NYAP2: variants seen among roughly 807,000 people sequenced by gnomAD.
The protein encoded by NYAP2 is neuronal tyrosine-phosphorylated phosphoinositide-3-kinase adapter 2.
NYAP2 carries 23 observed loss-of-function variants against 50.4 expected under a neutral mutation model. The observed-to-expected ratio is 0.46, with a 90% CI of 0.33 to 0.65. The LOEUF (loss-of-function observed/expected upper bound fraction) is 0.65, where lower values mean the gene tolerates loss of function less well. NYAP2 is among the 30% of genes least tolerant of loss of function. NYAP2 has a pLI of 0.02. For synonymous variants in NYAP2, 394 were observed against 365.2 expected, an observed-to-expected ratio of 1.08 and a Z score of -0.90; for missense variants, 885 against 861.0, an observed-to-expected ratio of 1.03 and a Z score of -0.35.
At chr2:225,471,451 C>T (rs910435755) in intron 3 of NYAP2, among the ~76,000 whole-genome samples, 3 of 152,008 alleles carry the variant, frequency 2.0e-5, no homozygotes, top group African/African-American at 4.8e-5. Flanking sequence ...TTATTCTCTG[C>T]GTGCAAGAAA....
At position 225,597,512 on chromosome 2, in the gene NYAP2, AATAT is replaced by A; in HGVS notation, c.1618+14492_1618+14495del. On this transcript the variant is annotated intron_variant, in intron 5 of 6. Coordinates refer to ENST00000636099, the Ensembl canonical transcript of NYAP2. ...ATGGCTAAATAGTATTCCAAGGAGAAATATATATATATATATATGTATCACAATT... is the reference window on the plus strand; with the variant it reads ...ATGGCTAAATAGTATTCCAAGGAGAAATATATATATATATGTATCACAATT... Among the ~76,000 whole-genome samples the A allele has an allele frequency of 1.1e-3, 49 of 46,248 alleles. 8 individuals are homozygous for A. The highest frequency in any genetic ancestry group is 0.028 in the Middle Eastern group (2 of 72). 30.3% of individuals were successfully genotyped at this position (46,248 alleles called of 152,430 possible).
chr2:225,496,712 G>T (rs1163989825), intron 3 of NYAP2, among the ~76,000 whole-genome samples: 1 of 151,948 alleles, frequency 6.6e-6, no homozygotes, highest in East Asian at 1.9e-4. Flanking sequence ...AATTTCCCTG[G>T]TCACCTTCCA....
intron 3 of NYAP2, among the ~76,000 whole-genome samples, chr2:225,451,841 A>G (rs547278751): frequency 6.6e-6 from 1 of 152,284 alleles, no homozygotes; most frequent in African/African-American, 2.4e-5. Context: ...TTTCTTCTAA[A>G]CCATTCACTC....
At chr2:225,698,488 T>A in the NYAP2 span, 1 of 152,450 alleles carries the variant, frequency 6.6e-6, no homozygotes, top group East Asian at 1.9e-4. Flanking sequence ...TGCCAAGAAG[T>A]ACAGCCCTCC....
chr2:225,688,862 C>A, the NYAP2 span, among the ~76,000 whole-genome samples: 6 of 152,160 alleles, frequency 3.9e-5, no homozygotes, highest in African/African-American at 9.6e-5. Flanking sequence ...CCTGCCTCAG[C>A]CTCCCGAGTA....
chr2:225,519,437 A>G (rs191228702), intron 4 of NYAP2, among the ~76,000 whole-genome samples: 3 of 100,832 alleles, frequency 3.0e-5, no homozygotes, highest in African/African-American at 7.9e-5. Context: ...CCACCCCACA[A>G]CAGTCCCCAG....
intron 4 of NYAP2, among the ~76,000 whole-genome samples, chr2:225,579,089 A>G (rs1692222799): frequency 6.7e-6 from 1 of 149,288 alleles, no homozygotes; most frequent in Admixed American, 6.7e-5. Context: ...CAGAGAGAAG[A>G]GAGGGGAGAG....
intron 4 of NYAP2, among the ~76,000 whole-genome samples, chr2:225,569,243 G>T (rs1482687581): frequency 2.0e-5 from 3 of 152,168 alleles, no homozygotes. Context: ...TATGACAAAA[G>T]TCTGTTCAGG....
chr2:225,674,065 G>A, the NYAP2 span, among the ~76,000 whole-genome samples: 36 of 152,100 alleles, frequency 2.4e-4, no homozygotes, highest in Non-Finnish European at 1.5e-4. Context: ...GTCTGAAATC[G>A]CCTGAGCTGA....
intron 3 of NYAP2, among the ~76,000 whole-genome samples, chr2:225,422,563 A>G (rs1386916750): frequency 6.6e-6 from 1 of 152,198 alleles, no homozygotes; most frequent in East Asian, 1.9e-4. Flanking sequence ...GAGATAAGCA[A>G]TAGGCAAGGA....
At chr2:225,403,049 A>G (rs1694889344) in intron 2 of NYAP2, among the ~76,000 whole-genome samples, 2 of 152,128 alleles carry the variant, frequency 1.3e-5, no homozygotes, top group African/African-American at 4.8e-5. Context: ...GTGTTTTCAA[A>G]TTGGTTTGAG....
rs114738953 is a variant in NYAP2, at chr2:225,478,487, A to C, written c.222-34884A>C. Reference sequence around the variant, plus strand: ...ATAATCAAGAAGTATATGGTCATAAATCTTGTGAGTTTGTGAGGAATCTTC... The same window carrying C: ...ATAATCAAGAAGTATATGGTCATAACTCTTGTGAGTTTGTGAGGAATCTTC... On this transcript the variant is annotated intron_variant, in intron 3 of 6. Transcript: ENST00000636099. Among the ~76,000 whole-genome samples, 716 of 152,322 alleles carry C rather than the reference A, an allele frequency of 4.7e-3. 2 individuals carry two copies. The highest frequency in any genetic ancestry group is 7.3e-3 in the Non-Finnish European group (499 of 68,036).
At chr2:225,460,918 G>A (rs1253893743) in intron 3 of NYAP2, among the ~76,000 whole-genome samples, 1 of 150,736 alleles carries the variant, frequency 6.6e-6, no homozygotes. Context: ...GTGTGAACCT[G>A]GGAGGCGGAG....
chr2:225,571,804 C>G (rs1692078092), intron 4 of NYAP2, among the ~76,000 whole-genome samples: 1 of 152,240 alleles, frequency 6.6e-6, no homozygotes, highest in Admixed American at 6.5e-5. Context: ...ATTTCTGCAG[C>G]TGCAACAGGC....
intron 5 of NYAP2, among the ~76,000 whole-genome samples, chr2:225,588,810 C>T (rs1402625081): frequency 2.6e-5 from 4 of 152,120 alleles, no homozygotes; most frequent in Non-Finnish European, 5.9e-5. Context: ...GGGGAGGCCT[C>T]ACACAAAGGT....
chr2:225,451,668 T>G (rs555631856), intron 3 of NYAP2, among the ~76,000 whole-genome samples: 1 of 152,206 alleles, frequency 6.6e-6, no homozygotes, highest in East Asian at 1.9e-4. Flanking sequence ...CCACCTCCTT[T>G]ACTTACTTTA....
intron 3 of NYAP2, among the ~76,000 whole-genome samples, chr2:225,483,626 A>G (rs928278681): frequency 6.6e-6 from 1 of 152,264 alleles, no homozygotes; most frequent in African/African-American, 2.4e-5. Flanking sequence ...GAGTAATAAC[A>G]TACCTAAGAA....
intron 3 of NYAP2, among the ~76,000 whole-genome samples, chr2:225,498,020 G>A (rs898928524): frequency 3.9e-5 from 6 of 152,024 alleles, no homozygotes; most frequent in African/African-American, 1.5e-4. Flanking sequence ...TTCTACTGAA[G>A]CAAAATTTCT....
the NYAP2 span, among the ~76,000 whole-genome samples, chr2:225,668,258 T>G: frequency 2.8e-5 from 4 of 145,340 alleles, no homozygotes; most frequent in African/African-American, 8.6e-5. Context: ...GTGATTAGAT[T>G]TGAGTTCACC....
Sources: gnomAD v4.1 joint callset for allele counts (sites outside exome capture counted in the v4.1 genomes callset) on GRCh38, gnomAD v4.1.1 for gene constraint, MANE v1.5 for transcripts, NCBI Gene and HGNC (gene_info 2026-07-23, HGNC 2026-07-21) for gene names.